The following THSD7B variants were observed in gnomAD, a reference collection of about 807,000 sequenced individuals.
The protein encoded by THSD7B is thrombospondin type 1 domain containing 7B.
A neutral mutation model predicts 213.6 loss-of-function variants in THSD7B; 138 were observed. The ratio of observed to expected loss-of-function variants is 0.65; its 90% CI spans 0.56 to 0.74. The LOEUF is 0.74. THSD7B is among the 30% of genes least tolerant of loss of function. THSD7B has a pLI of 0.00. For synonymous variants in THSD7B, 742 were observed against 687.0 expected (o/e 1.08, Z -1.25); for missense variants, 1,931 against 1,991.5 (o/e 0.97, Z 0.58).
At chr2:137,088,321 C>A (rs950954895) in intron 3 of THSD7B, among the ~76,000 whole-genome samples, 2 of 151,402 alleles carry the variant, frequency 1.3e-5, no homozygotes, top group Non-Finnish European at 2.9e-5. Context: ...CAGAAATAAA[C>A]CCAAATACTT....
At chr2:137,621,444 A>G (rs1053163143) in intron 20 of THSD7B, among the ~76,000 whole-genome samples, 3 of 152,186 alleles carry the variant, frequency 2.0e-5, no homozygotes, top group African/African-American at 7.2e-5. Flanking sequence ...AACGGAAATC[A>G]TTACTACACG....
At chr2:137,387,489 A>T (rs1685923163) in intron 12 of THSD7B, among the ~76,000 whole-genome samples, 1 of 152,186 alleles carries the variant, frequency 6.6e-6, no homozygotes, top group East Asian at 1.9e-4. Context: ...TCCAAGTTAA[A>T]TAAATGAAAT....
At position 137,538,473 on chromosome 2, in the gene THSD7B, A is replaced by G. The variant is rs144817768; in HGVS notation, c.3139-24748A>G. The G allele has an allele frequency of 3.5e-5, 18 of 517,614 alleles. No individual in the cohort carries two copies. The East Asian group carries it at 8.8e-4, about 25-fold the overall frequency. The allele number at this position is 517,614 out of a possible 1,614,324, so 32.1% of individuals were successfully genotyped here. ...CTTTTGCTTATCATGCACTGCTAACATGGACTTCTACAAAGGCTCAGGTTG... is the reference window on the plus strand; with the variant it reads ...CTTTTGCTTATCATGCACTGCTAACGTGGACTTCTACAAAGGCTCAGGTTG... On this transcript the variant is annotated intron_variant, in intron 15 of 27. Transcript: ENST00000409968.
intron 12 of THSD7B, among the ~76,000 whole-genome samples, chr2:137,340,357 T>G (rs552278173): frequency 1.2e-4 from 18 of 152,058 alleles, no homozygotes; most frequent in African/African-American, 4.3e-4. Context: ...TTATATAAAT[T>G]GTACAAAGTG....
intron 1 of THSD7B, among the ~76,000 whole-genome samples, chr2:136,802,678 T>TATATATATATATAC (rs1682211311): frequency 7.6e-6 from 1 of 131,026 alleles, no homozygotes; most frequent in Non-Finnish European, 1.6e-5. Flanking sequence ...TATATATATA[T>TATATATATATATAC]ATATGTAGTA....
At chr2:137,216,050 G>A (rs2105039250) in intron 7 of THSD7B, among the ~76,000 whole-genome samples, 1 of 152,156 alleles carries the variant, frequency 6.6e-6, no homozygotes, top group African/African-American at 2.4e-5. Context: ...TTTTGTTGAG[G>A]GGGAAAATAA....
chr2:136,809,350 A>G (rs544249598), intron 1 of THSD7B, among the ~76,000 whole-genome samples: 1 of 152,142 alleles, frequency 6.6e-6, no homozygotes, highest in Non-Finnish European at 1.5e-5. Context: ...TGAAAGCACA[A>G]TGCTTGCCAC....
At position 137,460,494 on chromosome 2, in the gene THSD7B, A is replaced by C. The variant is rs140252982; in HGVS notation, c.3138+9471A>C. Among the ~76,000 whole-genome samples the C allele has an allele frequency of 6.4e-4, 98 of 152,136 alleles. 1 individual carries two copies. Among genetic ancestry groups the C allele is most frequent in the African/African-American group, 2.3e-3 (95 of 41,520 alleles). ...TTGCTCCTCTTTTTGCATTTATCTC[A>C]TGGAGCATTTGGATTCAAATATTTT... On this transcript the variant is annotated intron_variant, in intron 15 of 27. Transcript: ENST00000409968.
intron 1 of THSD7B, among the ~76,000 whole-genome samples, chr2:136,874,830 A>G (rs1295512542): frequency 6.6e-6 from 1 of 152,184 alleles, no homozygotes; most frequent in Non-Finnish European, 1.5e-5. Flanking sequence ...AAACTCAACG[A>G]CCTTCATGAT....
chr2:137,322,808 G>C (rs1558757640), intron 12 of THSD7B, among the ~76,000 whole-genome samples: 1 of 152,138 alleles, frequency 6.6e-6, no homozygotes, highest in Non-Finnish European at 1.5e-5. Context: ...TCTAGACTTG[G>C]AACATCTCTG....
intron 2 of THSD7B, among the ~76,000 whole-genome samples, chr2:136,980,500 G>C (rs1362952210): frequency 6.6e-6 from 1 of 152,078 alleles, no homozygotes; most frequent in Non-Finnish European, 1.5e-5. Flanking sequence ...AATAAATCTG[G>C]GTCCCACCTA....
chr2:137,439,940 A>G (rs184271729), intron 14 of THSD7B, among the ~76,000 whole-genome samples: 4 of 152,274 alleles, frequency 2.6e-5, no homozygotes, highest in East Asian at 1.9e-4. Context: ...CTGTGCAGAC[A>G]TTTTATTACA....
At chr2:136,868,948 G>A (rs1028977340) in intron 1 of THSD7B, among the ~76,000 whole-genome samples, 6 of 151,996 alleles carry the variant, frequency 3.9e-5, no homozygotes, top group Admixed American at 3.3e-4. Flanking sequence ...AGAAGGTAAG[G>A]TTTTCAAATG....
At chr2:137,482,966 A>G (rs184902528) in intron 15 of THSD7B, among the ~76,000 whole-genome samples, 2 of 152,304 alleles carry the variant, frequency 1.3e-5, no homozygotes, top group East Asian at 3.9e-4. Flanking sequence ...ACTGTTAGGA[A>G]AAAGCTTAAT....
intron 1 of THSD7B, among the ~76,000 whole-genome samples, chr2:136,786,441 T>C (rs1481217284): frequency 6.6e-6 from 1 of 152,172 alleles, no homozygotes; most frequent in Non-Finnish European, 1.5e-5. Flanking sequence ...AAGAGCTGCC[T>C]ATTTTTTAAT....
chr2:137,626,509 C>CT (rs1224725607), intron 20 of THSD7B, among the ~76,000 whole-genome samples: 22 of 150,998 alleles, frequency 1.5e-4, no homozygotes, highest in Middle Eastern at 6.8e-3. Context: ...GCCTTCAGGG[C>CT]TTTTTTTCCA....
intron 12 of THSD7B, among the ~76,000 whole-genome samples, chr2:137,285,967 G>T (rs560828086): frequency 6.6e-6 from 1 of 151,796 alleles, no homozygotes; most frequent in African/African-American, 2.4e-5. Context: ...AGCCGGGCAC[G>T]GTGGTGGGTG....
chr2:137,587,218 A>C (rs1406110466), intron 17 of THSD7B, among the ~76,000 whole-genome samples: 4 of 152,108 alleles, frequency 2.6e-5, no homozygotes, highest in Non-Finnish European at 4.4e-5. Flanking sequence ...TACACTGGTT[A>C]TTCTAGTTAG....
intron 1 of THSD7B, among the ~76,000 whole-genome samples, chr2:136,821,008 A>G (rs1682555923): frequency 6.6e-6 from 1 of 152,224 alleles, no homozygotes; most frequent in Non-Finnish European, 1.5e-5. Context: ...AGATAATTGC[A>G]AGAATAATAT....
Sources: allele counts gnomAD v4.1 joint callset (sites outside exome capture counted in the v4.1 genomes callset), GRCh38; gene constraint gnomAD v4.1.1; transcripts MANE v1.5; gene names NCBI Gene and HGNC (gene_info 2026-07-23, HGNC 2026-07-21).